The following MEIS2 variants were observed in gnomAD, a reference collection of about 807,000 sequenced individuals.
MEIS2 encodes Meis homeobox 2.
Under a neutral mutation model 58.6 loss-of-function variants are expected in MEIS2, and 9 were observed. The ratio of observed to expected loss-of-function variants is 0.15; its 90% CI spans 0.09 to 0.27. MEIS2 has a LOEUF of 0.27. Among genes scored for constraint, MEIS2 ranks in the 10% least tolerant of loss-of-function variants. The pLI is 1.00. For synonymous variants in MEIS2, 221 were observed against 228.4 expected, an observed-to-expected ratio of 0.97 and a Z score of 0.29; for missense variants, 427 against 635.0, an observed-to-expected ratio of 0.67 and a Z score of 3.52.
At chr15:37,081,681 C>CT (rs1407300793) in intron 7 of MEIS2, among the ~76,000 whole-genome samples, 1 of 151,832 alleles carries the variant, frequency 6.6e-6, no homozygotes, top group South Asian at 2.1e-4. Flanking sequence ...GAAATCATAC[C>CT]TTTTTTTTCT....
chr15:37,005,702 G>A (rs926789658), intron 8 of MEIS2, among the ~76,000 whole-genome samples: 1 of 152,106 alleles, frequency 6.6e-6, no homozygotes, highest in Non-Finnish European at 1.5e-5. Flanking sequence ...GACTACAGAT[G>A]TGCACCACCA....
At chr15:37,076,961 C>T (rs577259424) in intron 7 of MEIS2, among the ~76,000 whole-genome samples, 61 of 152,094 alleles carry the variant, frequency 4.0e-4, no homozygotes, top group Non-Finnish European at 7.9e-4. Flanking sequence ...TATATTTCTC[C>T]TTGGCATTTG....
intron 8 of MEIS2, among the ~76,000 whole-genome samples, chr15:36,970,932 A>G (rs1435960463): frequency 1.3e-5 from 2 of 152,196 alleles, no homozygotes; most frequent in African/African-American, 4.8e-5. Context: ...TAATTAAATT[A>G]ATTAGTAATA....
intron 9 of MEIS2, among the ~76,000 whole-genome samples, chr15:36,938,880 C>T (rs1391830199): frequency 2.6e-5 from 4 of 152,130 alleles, no homozygotes; most frequent in Non-Finnish European, 4.4e-5. Context: ...GATGTCCAGC[C>T]CGTTCTCTTT....
chr15:37,001,954 C>T (rs1379805012), intron 8 of MEIS2, among the ~76,000 whole-genome samples: 1 of 152,176 alleles, frequency 6.6e-6, no homozygotes, highest in Admixed American at 6.5e-5. Context: ...TTTTATTACA[C>T]AAAAGCCTTG....
Position 36,911,044 on chromosome 15 carries a change from C to CAA in MEIS2, c.978-14360_978-14359dup, listed in dbSNP as rs1187244002. ...TGGGTGACAGAGCGCGACTCTGTCT[C>CAA]AAAAAAAAAAAAAAAAAAAGAACTT... On this transcript the variant is annotated intron_variant, in intron 9 of 11. Coordinates refer to ENST00000561208, the MANE Select transcript of MEIS2 (RefSeq NM_170675.5). Among the ~76,000 whole-genome samples, 273 of 83,116 alleles carry CAA rather than the reference C, an allele frequency of 3.3e-3. 3 individuals are homozygous for CAA. Among genetic ancestry groups the CAA allele is most frequent in the African/African-American group, 5.0e-3 (108 of 21,656 alleles). 54.5% of individuals were successfully genotyped at this position (83,116 alleles called of 152,430 possible).
chr15:36,920,230 A>C (rs2057447852), intron 9 of MEIS2, among the ~76,000 whole-genome samples: 1 of 151,738 alleles, frequency 6.6e-6, no homozygotes, highest in South Asian at 2.1e-4. Context: ...GCTCACCGCA[A>C]CCTCCACCTC....
At chr15:36,896,782 T>C (rs1205645803) in intron 9 of MEIS2, 96 bp from the exon 10 acceptor site, 1 of 961,094 alleles carries the variant, frequency 1.0e-6, no homozygotes, top group Non-Finnish European at 1.6e-6. Context: ...TACAGTCAAA[T>C]CTCTTCTGAA....
chr15:36,965,578 A>C (rs909743652), intron 8 of MEIS2, among the ~76,000 whole-genome samples: 3 of 152,262 alleles, frequency 2.0e-5, no homozygotes, highest in Non-Finnish European at 2.9e-5. Flanking sequence ...TGAATATGGA[A>C]GTCCTGAATA....
intron 9 of MEIS2, among the ~76,000 whole-genome samples, chr15:36,923,333 T>TC (rs1032564246): frequency 2.0e-5 from 3 of 152,180 alleles, no homozygotes; most frequent in African/African-American, 7.2e-5. Context: ...TCTGAGCTTT[T>TC]TTTTTTTCTT....
chr15:37,020,662 T>A (rs2141672244), intron 8 of MEIS2, among the ~76,000 whole-genome samples: 1 of 149,228 alleles, frequency 6.7e-6, no homozygotes, highest in South Asian at 2.1e-4. Flanking sequence ...GCATTACTCT[T>A]GGCATTCTGG....
chr15:36,907,966 A>C (rs2056823662), intron 9 of MEIS2, among the ~76,000 whole-genome samples: 1 of 152,148 alleles, frequency 6.6e-6, no homozygotes, highest in Non-Finnish European at 1.5e-5. Flanking sequence ...TTTAAAACTC[A>C]CTTTAAATAA....
intron 8 of MEIS2, among the ~76,000 whole-genome samples, chr15:36,997,257 G>A (rs1452216826): frequency 6.6e-6 from 1 of 152,138 alleles, no homozygotes; most frequent in Non-Finnish European, 1.5e-5. Flanking sequence ...CTTTTTTAAA[G>A]CAAAACCAAC....
intron 8 of MEIS2, among the ~76,000 whole-genome samples, chr15:36,978,578 G>A (rs1268991538): frequency 1.3e-5 from 2 of 152,190 alleles, no homozygotes; most frequent in Non-Finnish European, 2.9e-5. Flanking sequence ...AGTTGGAAAA[G>A]AAGGAAGAGC....
chr15:37,039,801 A>C (rs2062338128), intron 7 of MEIS2, among the ~76,000 whole-genome samples: 1 of 152,210 alleles, frequency 6.6e-6, no homozygotes, highest in African/African-American at 2.4e-5. Context: ...TGTATTAATG[A>C]CTACATACTA....
intron 8 of MEIS2, among the ~76,000 whole-genome samples, chr15:37,030,880 T>A (rs2061893641): frequency 6.6e-6 from 1 of 151,798 alleles, no homozygotes; most frequent in South Asian, 2.1e-4. Flanking sequence ...GCTTCAGGCA[T>A]TCCTCCCACC....
chr15:37,007,418 T>C (rs1019615733), intron 8 of MEIS2, among the ~76,000 whole-genome samples: 1 of 152,160 alleles, frequency 6.6e-6, no homozygotes, highest in African/African-American at 2.4e-5. Context: ...AAGAAGCCAC[T>C]TGGACCTGAA....
At chr15:36,980,264 ATATC>A (rs1330020600) in intron 8 of MEIS2, among the ~76,000 whole-genome samples, 1 of 152,158 alleles carries the variant, frequency 6.6e-6, no homozygotes, top group African/African-American at 2.4e-5. Flanking sequence ...ATAGTTATAT[ATATC>A]TGTGTTTTTC....
intron 7 of MEIS2, among the ~76,000 whole-genome samples, chr15:37,063,148 G>A (rs142065955): frequency 6.6e-6 from 1 of 152,226 alleles, no homozygotes; most frequent in East Asian, 1.9e-4. Context: ...TCAGAATGAG[G>A]GAACATCTCT....
Sources: gnomAD v4.1 joint callset for allele counts (sites outside exome capture counted in the v4.1 genomes callset) on GRCh38, gnomAD v4.1.1 for gene constraint, MANE v1.5 for transcripts, NCBI Gene and HGNC (gene_info 2026-07-23, HGNC 2026-07-21) for gene names.